Variants in RAD51B observed in about 807,000 individuals in gnomAD.
RAD51B encodes RAD51 paralog B.
Under a neutral mutation model 42.2 loss-of-function variants are expected in RAD51B, and 38 were observed. The ratio of observed to expected loss-of-function variants is 0.90; its 90% CI spans 0.70 to 1.18. RAD51B has a LOEUF of 1.18. Among genes scored for constraint, RAD51B ranks in the 50% most tolerant of loss-of-function variants. RAD51B has a pLI of 0.00. For missense variants in RAD51B, 373 were observed against 400.7 expected, an observed-to-expected ratio of 0.93 and a Z score of 0.59; for synonymous variants, 154 against 145.2, an observed-to-expected ratio of 1.06 and a Z score of -0.43.
intron 7 of RAD51B, among the ~76,000 whole-genome samples, chr14:68,277,738 G>GT (rs1367632682): frequency 3.3e-5 from 5 of 151,788 alleles, no homozygotes; most frequent in Admixed American, 6.6e-5. Context: ...TGTTCTGGGG[G>GT]TTTTTTTTGT....
chr14:67,938,215 T>C (rs959267639), intron 7 of RAD51B, among the ~76,000 whole-genome samples: 1 of 152,240 alleles, frequency 6.6e-6, no homozygotes, highest in Admixed American at 6.5e-5. Context: ...GGAATAACAA[T>C]GCAGTTCTCC....
At chr14:68,224,303 T>C (rs533332239) in intron 7 of RAD51B, among the ~76,000 whole-genome samples, 86 of 152,332 alleles carry the variant, frequency 5.6e-4, no homozygotes, top group Non-Finnish European at 1.1e-3. Flanking sequence ...GGAAAAATTA[T>C]TGTACAATAG....
intron 8 of RAD51B, among the ~76,000 whole-genome samples, chr14:68,402,808 T>C (rs2084149789): frequency 6.6e-6 from 1 of 152,222 alleles, no homozygotes; most frequent in Non-Finnish European, 1.5e-5. Flanking sequence ...AGTTTTTTAA[T>C]AAGGCAGGAA....
intron 7 of RAD51B, among the ~76,000 whole-genome samples, chr14:68,193,737 TTGACCAAG>T (rs2079311642): frequency 6.6e-6 from 1 of 152,228 alleles, no homozygotes; most frequent in Non-Finnish European, 1.5e-5. Context: ...CCAGTCTGTT[TTGACCAAG>T]TCAAGTTGAG....
chr14:67,926,637 C>T (rs1435615615), intron 7 of RAD51B, among the ~76,000 whole-genome samples: 5 of 137,586 alleles, frequency 3.6e-5, no homozygotes, highest in Admixed American at 3.2e-4. Context: ...GATCTTGGCT[C>T]ACTGCAGCCT....
rs71281747 is a variant in RAD51B at position 68,540,191 on chromosome 14, T to TA, written c.1037-54291dup. ...CTTTTTTTTTTTTTTTTTTTTTTTT[T>TA]AAATACAGGATCTAGAGAATTCAAA... On this transcript the variant is annotated intron_variant, in intron 10 of 10. Transcript: ENST00000487270. 6.7e-5 allele frequency: 59 copies of TA among 874,452 alleles called. No homozygotes were observed. In the African/African-American group the frequency reaches 1.2e-3, roughly 18 times the overall value. The allele number at this position is 874,452 out of a possible 1,614,324, so 54.2% of individuals were successfully genotyped here.
At chr14:68,554,727 G>A (rs1888744096) in intron 10 of RAD51B, among the ~76,000 whole-genome samples, 1 of 152,160 alleles carries the variant, frequency 6.6e-6, no homozygotes, top group African/African-American at 2.4e-5. Flanking sequence ...CAGTGTGACA[G>A]TGCAGAATTT....
At chr14:68,677,304 T>A (rs868558260) in intron 11 of RAD51B, among the ~76,000 whole-genome samples, 9 of 152,132 alleles carry the variant, frequency 5.9e-5, no homozygotes, top group African/African-American at 2.2e-4. Flanking sequence ...GATGGATGCA[T>A]TTGGGCCCCG....
In RAD51B at chr14:68,163,493, T is replaced by C. The variant is rs140820376; in HGVS notation, c.757-128391T>C. ...ATGGTCCTTCAGCTCATGCCTGTCG[T>C]GCCCATTTTTTTGGCCTCACTTCTT... On this transcript the variant is annotated intron_variant, in intron 7 of 10. Transcript: ENST00000471583. Among the ~76,000 whole-genome samples, 759 of 152,370 alleles carry C rather than the reference T, an allele frequency of 5.0e-3. 11 individuals are homozygous for C. The highest frequency in any genetic ancestry group is 0.017 in the African/African-American group (725 of 41,584).
chr14:68,146,916 G>A (rs2140753220), intron 7 of RAD51B, among the ~76,000 whole-genome samples: 2 of 152,204 alleles, frequency 1.3e-5, no homozygotes, highest in South Asian at 4.2e-4. Context: ...TAAAAAGCAG[G>A]CATGATTCTG....
chr14:68,281,572 C>T (rs2081320030), intron 7 of RAD51B, among the ~76,000 whole-genome samples: 1 of 152,192 alleles, frequency 6.6e-6, no homozygotes, highest in Non-Finnish European at 1.5e-5. Flanking sequence ...CCCAGGACAG[C>T]TGCTTCAGTC....
chr14:68,102,042 T>C (rs1314366794), intron 7 of RAD51B, among the ~76,000 whole-genome samples: 1 of 152,216 alleles, frequency 6.6e-6, no homozygotes, highest in East Asian at 1.9e-4. Context: ...ACTTGCACTC[T>C]CTGAAGCAAT....
In RAD51B at chr14:68,209,543, A is replaced by AT. The variant is rs995692672; in HGVS notation, c.757-82332dup. The stretch of plus-strand genomic sequence containing the variant: ...TAAAATTTTCTTTGTTGCCTTGTTC[A>AT]TTTTTTTTTCCAACATTTAAAAGAG... On this transcript the variant is annotated intron_variant, in intron 7 of 10. Coordinates refer to ENST00000471583, the MANE Select transcript of RAD51B (RefSeq NM_133510.4). Among the ~76,000 whole-genome samples the AT allele has an allele frequency of 1.8e-4, 28 of 151,612 alleles. 1 individual carries two copies. Among genetic ancestry groups the AT allele is most frequent in the South Asian group, 6.3e-4 (3 of 4,798 alleles).
chr14:67,843,297 C>G (rs569939245), intron 4 of RAD51B: 2 of 148,478 alleles, frequency 1.3e-5, no homozygotes, highest in South Asian at 2.2e-4. Context: ...GTCCCTCCCC[C>G]CCTCCCCCAC....
intron 8 of RAD51B, among the ~76,000 whole-genome samples, chr14:68,372,717 C>G (rs1273618354): frequency 6.6e-6 from 1 of 152,138 alleles, no homozygotes; most frequent in Admixed American, 6.5e-5. Flanking sequence ...TAAAGGTATA[C>G]TCATAAGCCC....
chr14:68,122,821 T>C (rs956581363), intron 7 of RAD51B, among the ~76,000 whole-genome samples: 3 of 152,228 alleles, frequency 2.0e-5, no homozygotes, highest in African/African-American at 7.2e-5. Flanking sequence ...TATATTATGG[T>C]ACTCCATGGA....
At chr14:68,052,471 G>T (rs2038565) in intron 7 of RAD51B, among the ~76,000 whole-genome samples, 26,194 of 151,612 alleles carry the variant, frequency 0.17, 2,432 homozygotes, top group Middle Eastern at 0.35. Context: ...CCTGGAGTTG[G>T]TCCCATTACC....
chr14:68,525,853 G>A (rs1482563600), intron 10 of RAD51B, among the ~76,000 whole-genome samples: 6 of 152,256 alleles, frequency 3.9e-5, no homozygotes, highest in East Asian at 3.9e-4. Flanking sequence ...GCCAAGTGCC[G>A]GGAGCCAACC....
chr14:68,375,675 C>T (rs1217010482), intron 8 of RAD51B, among the ~76,000 whole-genome samples: 1 of 152,010 alleles, frequency 6.6e-6, no homozygotes, highest in Non-Finnish European at 1.5e-5. Flanking sequence ...TCTCTAGTGC[C>T]TAAGTCTTTG....
Sources: allele counts gnomAD v4.1 joint callset (sites outside exome capture counted in the v4.1 genomes callset), GRCh38; gene constraint gnomAD v4.1.1; transcripts MANE v1.5; gene names NCBI Gene and HGNC (gene_info 2026-07-23, HGNC 2026-07-21).